Variants in KCNS3 observed in about 807,000 individuals in gnomAD.
KCNS3 encodes the protein potassium voltage-gated channel modifier subfamily S member 3, also known as delayed-rectifier potassium channel regulatory subunit KCNS3.
In KCNS3, 13 loss-of-function variants were observed where a neutral mutation model predicts 31.0. That is an observed-to-expected ratio of 0.42 (90% CI 0.27 to 0.67). The LOEUF (loss-of-function observed/expected upper bound fraction) is 0.67, where lower values mean the gene tolerates loss of function less well. Ranked by LOEUF, KCNS3 falls within the 30% of genes least tolerant of loss-of-function variation. The pLI, the probability that KCNS3 is intolerant of heterozygous loss-of-function variation, is 0.25. For synonymous variants in KCNS3, 238 were observed against 241.5 expected (o/e 0.99, Z 0.13); for missense variants, 545 against 622.4 (o/e 0.88, Z 1.32).
chr2:17,921,915 GTATATA>G lies in KCNS3; in HGVS notation c.-60+4083_-60+4088del, dbSNP rs56064218. Among the ~76,000 whole-genome samples, 199 of 32,746 alleles carry G rather than the reference GTATATA, an allele frequency of 6.1e-3. 1 individual carries two copies. Among genetic ancestry groups the G allele is most frequent in the South Asian group, 0.016 (13 of 796 alleles). The allele number at this position is 32,746 out of a possible 152,430, so 21.5% of individuals were successfully genotyped here. A position where few individuals can be genotyped will look rare whatever the true frequency, so the allele number is the denominator to read the frequency against. Reference sequence around the variant, plus strand: ...TTTTCATATATATGTGTGTGTGTGTGTATATATATATATATATATATATATATATAT... The same window carrying G: ...TTTTCATATATATGTGTGTGTGTGTGTATATATATATATATATATATATAT... On this transcript the variant is annotated intron_variant, in intron 2 of 2. Coordinates refer to ENST00000304101, the MANE Select transcript of KCNS3 (RefSeq NM_002252.5).
intron 1 of KCNS3, among the ~76,000 whole-genome samples, chr2:17,900,747 C>T (rs1007768828): frequency 5.9e-5 from 9 of 152,158 alleles, no homozygotes; most frequent in African/African-American, 1.9e-4. Context: ...GTCTCGGCCT[C>T]CTAAAGTGCT....
chr2:17,897,031 C>G (rs978466437), intron 1 of KCNS3, among the ~76,000 whole-genome samples: 3 of 152,000 alleles, frequency 2.0e-5, no homozygotes, highest in Non-Finnish European at 2.9e-5. Flanking sequence ...TTTTTCAACC[C>G]TTGCCCCCCT....
chr2:17,891,642 C>T (rs975952105), intron 1 of KCNS3, among the ~76,000 whole-genome samples: 1 of 152,134 alleles, frequency 6.6e-6, no homozygotes, highest in African/African-American at 2.4e-5. Context: ...ATTCTCTCAG[C>T]ATTTGTTTGT....
intron 2 of KCNS3, among the ~76,000 whole-genome samples, chr2:17,921,913 GTGTATATATATATATATA>G (rs1449339212): frequency 1.8e-3 from 62 of 34,114 alleles, no homozygotes; most frequent in African/African-American, 2.8e-3. Context: ...GTGTGTGTGT[GTGTATATATATATATATA>G]TATATATATA....
intron 1 of KCNS3, among the ~76,000 whole-genome samples, chr2:17,915,888 T>A (rs1301616990): frequency 6.6e-6 from 1 of 152,080 alleles, no homozygotes; most frequent in Non-Finnish European, 1.5e-5. Context: ...GGCACAGGAA[T>A]TCTGAGTTTT....
chr2:17,887,316 C>T (rs1370470823), intron 1 of KCNS3, among the ~76,000 whole-genome samples: 1 of 152,060 alleles, frequency 6.6e-6, no homozygotes, highest in Non-Finnish European at 1.5e-5. Flanking sequence ...CATTCTTATG[C>T]CTTTGCATCC....
rs150617038 is a variant in KCNS3 at position 17,881,589 on chromosome 2, C to T, written c.-252+2783C>T. Among the ~76,000 whole-genome samples the T allele has an allele frequency of 2.9e-3, 445 of 152,308 alleles. 6 individuals are homozygous for T. Among genetic ancestry groups the T allele is most frequent in the African/African-American group, 9.8e-3 (407 of 41,566 alleles). ...TTAGGATGGTAGGTTCTATTATCACCGTATTTTACAGGAGGAAAGAGAGAC... is the reference window on the plus strand; with the variant it reads ...TTAGGATGGTAGGTTCTATTATCACTGTATTTTACAGGAGGAAAGAGAGAC... On this transcript the variant is annotated intron_variant, in intron 1 of 2. Coordinates refer to ENST00000304101, the MANE Select transcript of KCNS3 (RefSeq NM_002252.5).
intron 1 of KCNS3, among the ~76,000 whole-genome samples, chr2:17,888,674 A>ATATAT: frequency 1.2e-5 from 1 of 82,756 alleles, no homozygotes; most frequent in Non-Finnish European, 2.5e-5. Context: ...TATATATATA[A>ATATAT]AGAAAAGGGT....
intron 2 of KCNS3, among the ~76,000 whole-genome samples, chr2:17,921,693 G>A (rs895960287): frequency 3.3e-5 from 5 of 151,430 alleles, no homozygotes; most frequent in Non-Finnish European, 7.4e-5. Context: ...GAGTGAAGTG[G>A]GAGATGCTAC....
At chr2:17,891,228 C>T (rs190060180) in intron 1 of KCNS3, among the ~76,000 whole-genome samples, 201 of 152,308 alleles carry the variant, frequency 1.3e-3, no homozygotes, top group Admixed American at 5.1e-3. Context: ...AATAGCTACA[C>T]CTGCTCACTT....
In KCNS3 at chr2:17,930,986, G is replaced by A. The variant is rs1420036794; in HGVS notation, c.-23G>A. 1 of 1,602,486 alleles carries A rather than the reference G, an allele frequency of 6.2e-7. No homozygotes were observed. The highest frequency in any genetic ancestry group is 1.7e-5 in the Admixed American group (1 of 59,520). On this transcript the variant is annotated 5_prime_UTR_variant, in exon 3 of 3. Transcript: ENST00000304101. Reference sequence around the variant, plus strand: ...TCTTCCTCTTCTCCCTTGCCAGCCAGCACTCTGCCTTCTGTATCCACCATG... The same window carrying A: ...TCTTCCTCTTCTCCCTTGCCAGCCAACACTCTGCCTTCTGTATCCACCATG...
At chr2:17,879,364 G>C (rs1674585829) in intron 1 of KCNS3, 1 of 152,334 alleles carries the variant, frequency 6.6e-6, no homozygotes, top group Non-Finnish European at 1.5e-5. Context: ...AGCTGTGCTA[G>C]GCGCCCCGCG....
At chr2:17,884,422 C>T (rs1407163275) in intron 1 of KCNS3, among the ~76,000 whole-genome samples, 2 of 151,140 alleles carry the variant, frequency 1.3e-5, no homozygotes, top group Non-Finnish European at 2.9e-5. Context: ...TGTCACAAGC[C>T]AATTTAAATT....
rs144358079 is a variant in KCNS3 at position 17,930,815 on chromosome 2, A to G, written c.-59-135A>G. The G allele has an allele frequency of 7.7e-5, 44 of 570,406 alleles. No homozygotes were observed. The East Asian group carries it at 1.2e-3, about 16-fold the overall frequency. The allele number at this position is 570,406 out of a possible 1,614,324, so 35.3% of individuals were successfully genotyped here. ...TGATTTTCTTCTGAACAAAATGCATAATAATGTATTCATTTTTATTGCATT... is the reference window on the plus strand; with the variant it reads ...TGATTTTCTTCTGAACAAAATGCATGATAATGTATTCATTTTTATTGCATT... On this transcript the variant is annotated intron_variant, in intron 2 of 2. Transcript: ENST00000304101.
chr2:17,898,028 T>C (rs1662073061), intron 1 of KCNS3, among the ~76,000 whole-genome samples: 1 of 152,212 alleles, frequency 6.6e-6, no homozygotes, highest in African/African-American at 2.4e-5. Flanking sequence ...GGTTAGCCAG[T>C]TATCTCAGCA....
At position 17,932,675 on chromosome 2, in the gene KCNS3, C is replaced by T; in HGVS notation, c.*191C>T. On this transcript the variant is annotated 3_prime_UTR_variant, in exon 3 of 3. Transcript: ENST00000304101. ...TTTCTCTGTGAGGTCAATTAAATGCCTTGTTCTGAAATTTATTTTTTACAA... is the reference window on the plus strand; with the variant it reads ...TTTCTCTGTGAGGTCAATTAAATGCTTTGTTCTGAAATTTATTTTTTACAA... 1.7e-6 allele frequency: 1 copy of T among 576,660 alleles called. No individual in the cohort carries two copies. The highest frequency in any genetic ancestry group is 2.9e-5 in the South Asian group (1 of 34,842). 35.7% of individuals were successfully genotyped at this position (576,660 alleles called of 1,614,324 possible).
intron 1 of KCNS3, among the ~76,000 whole-genome samples, chr2:17,916,541 C>T (rs1662589924): frequency 6.6e-6 from 1 of 152,194 alleles, no homozygotes; most frequent in African/African-American, 2.4e-5. Context: ...AGTATAATCT[C>T]TGTTGGAGGT....
In KCNS3 at chr2:17,901,415, G is replaced by A. The variant is rs143899518; in HGVS notation, c.-251-16265G>A. ...CTGGCTGCCAACAGGCCTCCGTGGC[G>A]AGGGAAAAGGAGGAGCCTAGGATGA... On this transcript the variant is annotated intron_variant, in intron 1 of 2. Transcript: ENST00000304101. 7.8e-4 allele frequency among the ~76,000 whole-genome samples: 119 copies of A among 152,322 alleles called. 2 individuals are homozygous for A. Among genetic ancestry groups the A allele is most frequent in the African/African-American group, 2.6e-3 (108 of 41,570 alleles).
At chr2:17,903,925 C>A (rs1389351562) in intron 1 of KCNS3, among the ~76,000 whole-genome samples, 1 of 152,152 alleles carries the variant, frequency 6.6e-6, no homozygotes. Context: ...CATACGCGTG[C>A]ATGTGCCTTT....
Sources: allele counts gnomAD v4.1 joint callset (sites outside exome capture counted in the v4.1 genomes callset), GRCh38; gene constraint gnomAD v4.1.1; transcripts MANE v1.5; gene names NCBI Gene and HGNC (gene_info 2026-07-23, HGNC 2026-07-21).